EPB41L1: variants seen among roughly 807,000 people sequenced by gnomAD.
EPB41L1 encodes the protein erythrocyte membrane protein band 4.1 like 1, also known as band 4.1-like protein 1.
A neutral mutation model predicts 97.8 loss-of-function variants in EPB41L1; 29 were observed. That is an observed-to-expected ratio of 0.30 (90% CI 0.22 to 0.40). The LOEUF (loss-of-function observed/expected upper bound fraction) is 0.40. EPB41L1 is among the 10% of genes least tolerant of loss of function. The pLI is 1.00. For synonymous variants in EPB41L1, 383 were observed against 459.2 expected (o/e 0.83, Z 2.12); for missense variants, 812 against 1,162.3 (o/e 0.70, Z 4.38).
In EPB41L1 at chr20:36,195,928, C is replaced by G. The variant is rs2062179157; in HGVS notation, c.1485+564C>G. Among the ~76,000 whole-genome samples the G allele has an allele frequency of 6.6e-6, 1 of 152,200 alleles. No homozygotes were observed. Among genetic ancestry groups the G allele is most frequent in the African/African-American group, 2.4e-5 (1 of 41,442 alleles). Reference sequence around the variant, plus strand: ...ATCTGCCCCAACTCCAGTCCTACACCTCCCCCAGGCAGGGTCGACTACTGC... The same window carrying G: ...ATCTGCCCCAACTCCAGTCCTACACGTCCCCCAGGCAGGGTCGACTACTGC... On this transcript the variant is annotated intron_variant, in intron 13 of 21. Coordinates refer to ENST00000338074, the MANE Select transcript of EPB41L1 (RefSeq NM_012156.2). The surrounding 1 kb of genome is among the most constrained non-coding windows in gnomAD (Gnocchi z 4.6).
intron 2 of EPB41L1, among the ~76,000 whole-genome samples, chr20:36,141,792 A>G (rs1296405698): frequency 6.6e-6 from 1 of 152,208 alleles, no homozygotes; most frequent in African/African-American, 2.4e-5. Flanking sequence ...TTTTCTAGGC[A>G]TGTACACATA....
At chr20:36,166,693 A>G (rs1325384615) in intron 1 of EPB41L1, among the ~76,000 whole-genome samples, 1 of 152,030 alleles carries the variant, frequency 6.6e-6, no homozygotes, top group African/African-American at 2.4e-5. Flanking sequence ...TCGAAACCCA[A>G]TCTCTACTAA....
At chr20:36,224,422 T>A (rs867790379) in intron 21 of EPB41L1, among the ~76,000 whole-genome samples, 5 of 152,146 alleles carry the variant, frequency 3.3e-5, no homozygotes, top group Admixed American at 3.3e-4. Flanking sequence ...CCAAAGCAAG[T>A]GGATCACCTG....
At chr20:36,140,870 T>C (rs535178884) in intron 2 of EPB41L1, among the ~76,000 whole-genome samples, 5 of 151,906 alleles carry the variant, frequency 3.3e-5, no homozygotes, top group Admixed American at 2.0e-4. Context: ...AGGCCCAAGA[T>C]GGAAGAGCCC....
chr20:36,106,139 T>C (rs1234258963), intron 1 of EPB41L1, among the ~76,000 whole-genome samples: 2 of 152,296 alleles, frequency 1.3e-5, no homozygotes, highest in African/African-American at 4.8e-5. Flanking sequence ...CTTGCTGGCT[T>C]TGCCTCCTGC....
chr20:36,206,015 T>C lies in EPB41L1; in HGVS notation c.1669-3473T>C. 7.8e-7 allele frequency: 1 copy of C among 1,289,738 alleles called. No individual in the cohort carries two copies. Among genetic ancestry groups the C allele is most frequent in the Non-Finnish European group, 1.0e-6 (1 of 988,868 alleles). The allele number at this position is 1,289,738 out of a possible 1,614,324, so 79.9% of individuals were successfully genotyped here. ...GACGTTCTGGTGGACAAGTTCAAAG[T>C]GGAAGTGGCCACAGAAGAAATGGTG... On this transcript the variant is annotated intron_variant, in intron 14 of 21. Coordinates refer to ENST00000338074, the MANE Select transcript of EPB41L1 (RefSeq NM_012156.2). The surrounding 1 kb of genome is among the most constrained non-coding windows in gnomAD (Gnocchi z 5.5).
chr20:36,100,728 G>A (rs1025053915), intron 1 of EPB41L1, among the ~76,000 whole-genome samples: 14 of 152,218 alleles, frequency 9.2e-5, no homozygotes, highest in African/African-American at 3.1e-4. Context: ...GCCTGTGACA[G>A]AGCCTGCGGG....
rs907853883 is a variant in EPB41L1, at chr20:36,172,652, G to C, written c.-14-1112G>C. Among the ~76,000 whole-genome samples, 35 of 152,248 alleles carry C rather than the reference G, an allele frequency of 2.3e-4. 1 individual carries two copies. The highest frequency in any genetic ancestry group is 8.4e-4 in the African/African-American group (35 of 41,538). ...GTCTCACACTGTTGCCCAGGCTAGA[G>C]TGCAGTGGTGCAATCTCAGCTTACT... On this transcript the variant is annotated intron_variant, in intron 1 of 21. Transcript: ENST00000338074.
At chr20:36,120,348 G>A (rs1263636010) in intron 2 of EPB41L1, among the ~76,000 whole-genome samples, 4 of 152,226 alleles carry the variant, frequency 2.6e-5, no homozygotes, top group Non-Finnish European at 5.9e-5. Flanking sequence ...CTTATCCGCT[G>A]GACTGTAGAG....
At chr20:36,227,010 C>G (rs571077977) in intron 21 of EPB41L1, among the ~76,000 whole-genome samples, 1 of 152,266 alleles carries the variant, frequency 6.6e-6, no homozygotes, top group African/African-American at 2.4e-5. Flanking sequence ...GAGTAGTATT[C>G]TTTCTACTCA....
At chr20:36,095,527 A>G (rs751441363) in intron 1 of EPB41L1, among the ~76,000 whole-genome samples, 2 of 152,238 alleles carry the variant, frequency 1.3e-5, no homozygotes, top group African/African-American at 2.4e-5. Context: ...TTACCTGGCT[A>G]GGCAGCTAGT....
chr20:36,218,753 T>C (rs2063590346), intron 17 of EPB41L1, 123 bp from the exon 18 acceptor site: 2 of 882,824 alleles, frequency 2.3e-6, no homozygotes, highest in South Asian at 1.4e-5. Flanking sequence ...ATGCCTTCAG[T>C]CCTTTGCTTC....
chr20:36,142,772 A>G (rs895776411), intron 2 of EPB41L1, among the ~76,000 whole-genome samples: 4 of 151,908 alleles, frequency 2.6e-5, no homozygotes, highest in African/African-American at 9.7e-5. Flanking sequence ...GCCCGACTGT[A>G]TTGGTTATGG....
At chr20:36,098,484 G>T (rs891312280) in intron 1 of EPB41L1, among the ~76,000 whole-genome samples, 19 of 152,160 alleles carry the variant, frequency 1.2e-4, no homozygotes, top group African/African-American at 4.3e-4. Flanking sequence ...CCTAGCTTCT[G>T]GTGGTTGCCA....
At chr20:36,161,563 C>T (rs2060524474) in intron 1 of EPB41L1, among the ~76,000 whole-genome samples, 2 of 149,372 alleles carry the variant, frequency 1.3e-5, no homozygotes, top group Non-Finnish European at 3.0e-5. Context: ...GCAACCTCCG[C>T]CTCCCCGGTT....
chr20:36,118,719 T>C (rs2058661432), intron 2 of EPB41L1, among the ~76,000 whole-genome samples: 1 of 152,196 alleles, frequency 6.6e-6, no homozygotes, highest in South Asian at 2.1e-4. Flanking sequence ...TGTAGGTGCT[T>C]AATAGATGCT....
chr20:36,192,120 G>A (rs2061980337), intron 11 of EPB41L1, among the ~76,000 whole-genome samples: 1 of 152,020 alleles, frequency 6.6e-6, no homozygotes, highest in African/African-American at 2.4e-5. Flanking sequence ...CAGCTACTCG[G>A]GAGGCTGAAA....
chr20:36,225,722 T>G (rs901262711), intron 21 of EPB41L1, among the ~76,000 whole-genome samples: 9 of 152,086 alleles, frequency 5.9e-5, no homozygotes, highest in Non-Finnish European at 1.3e-4. Flanking sequence ...CTCTTCTCCA[T>G]TCCCTCTCTC....
intron 3 of EPB41L1, among the ~76,000 whole-genome samples, chr20:36,177,531 C>T (rs1017861401): frequency 3.3e-5 from 5 of 152,210 alleles, no homozygotes; most frequent in Non-Finnish European, 5.9e-5. Flanking sequence ...TCCCCTTCTC[C>T]CCCTGCCCGC....
Sources: gnomAD v4.1 joint callset for allele counts (sites outside exome capture counted in the v4.1 genomes callset) on GRCh38, gnomAD v4.1.1 for gene constraint, Gnocchi (gnomAD v3.1) non-coding constraint, MANE v1.5 for transcripts, NCBI Gene and HGNC (gene_info 2026-07-23, HGNC 2026-07-21) for gene names.